The following STAG2 variants were observed in gnomAD, a reference collection of about 807,000 sequenced individuals.
The protein encoded by STAG2 is cohesin subunit SA-2.
STAG2 carries 14 observed loss-of-function variants against 108.1 expected under a neutral mutation model. The ratio of observed to expected loss-of-function variants is 0.13; its 90% confidence interval spans 0.09 to 0.20. STAG2 has a LOEUF of 0.20. Among genes scored for constraint, STAG2 ranks in the 10% least tolerant of loss-of-function variants. The pLI is 1.00. For synonymous variants in STAG2, 307 were observed against 302.7 expected (o/e 1.01, Z -0.15); for missense variants, 440 against 940.9 (o/e 0.47, Z 6.96).
chrX:124,013,612 T>C (rs1326430741), intron 1 of STAG2, among the ~76,000 whole-genome samples: 1 of 111,785 alleles, frequency 8.9e-6, no homozygotes, highest in African/African-American at 3.3e-5. Context: ...ATAGCAGATA[T>C]GTATCCAATA....
intron 1 of STAG2, among the ~76,000 whole-genome samples, chrX:123,975,578 C>T (rs1174991622): frequency 8.9e-6 from 1 of 111,863 alleles, no homozygotes; most frequent in Non-Finnish European, 1.9e-5. Flanking sequence ...ATTCTCCTGC[C>T]TCAGCCTCCT....
At chrX:124,044,555 T>C (rs1282774938) in intron 7 of STAG2, among the ~76,000 whole-genome samples, 1 of 111,667 alleles carries the variant, frequency 9.0e-6, no homozygotes. Context: ...ACTTCATTGT[T>C]TTTAATGATT....
At chrX:123,972,887 A>AAAAAAAAAAC in intron 1 of STAG2, among the ~76,000 whole-genome samples, 1 of 99,193 alleles carries the variant, frequency 1.0e-5, no homozygotes, top group Non-Finnish European at 2.0e-5. Flanking sequence ...AAAAAAAAAA[A>AAAAAAAAAAC]AAAAGAACCG....
At chrX:124,055,996 G>GTTT (rs33915304) in intron 13 of STAG2, 132 bp from the exon 14 acceptor site, 398 of 244,623 alleles carry the variant, frequency 1.6e-3, no homozygotes, top group African/African-American at 6.1e-3. Context: ...GCTTGATTTG[G>GTTT]TTTTTTTTTT....
In STAG2 at chrX:124,068,569, C is replaced by T. The variant is rs769331923; in HGVS notation, c.2271C>T (p.Asp757=). ...KITESSSTKE[D]LLRLKKQMRV... The stretch of plus-strand genomic sequence containing the variant: ...TAATGTTAAATTTTTTCAAGGAGGA[C>T]TTGCTGCGTTTAAAGAAACAAATGA... Residue 757 remains aspartate, a synonymous_variant, in exon 24 of 35, where the codon GAC becomes GAT. Transcript: ENST00000371145. 4 of 1,179,846 alleles carry T rather than the reference C, an allele frequency of 3.4e-6. No individual in the cohort carries two copies. Among genetic ancestry groups the T allele is most frequent in the Non-Finnish European group, 3.4e-6 (3 of 883,186 alleles).
intron 1 of STAG2, among the ~76,000 whole-genome samples, chrX:123,980,975 G>T (rs758639709): frequency 2.3e-3 from 255 of 110,940 alleles, no homozygotes; most frequent in Non-Finnish European, 3.5e-3. Context: ...TAAGTTTTGT[G>T]TAAAAGCTAA....
chrX:124,086,776 G>A lies in STAG2; in HGVS notation c.3277+6G>A, dbSNP rs777939615. 1 of 1,145,899 alleles carries A rather than the reference G, an allele frequency of 8.7e-7. No homozygotes were observed. The highest frequency in any genetic ancestry group is 3.0e-5 in the East Asian group (1 of 33,261). 94.4% of individuals were successfully genotyped at this position (1,145,899 alleles called of 1,213,427 possible). A position where few individuals can be genotyped will look rare whatever the true frequency, so the allele number is the denominator to read the frequency against. Reference sequence around the variant, plus strand: ...GGGCATGCAGCTTTCACTCAGTAAGGATATAATTTATTCTCTTTATATTTA... The same window carrying A: ...GGGCATGCAGCTTTCACTCAGTAAGAATATAATTTATTCTCTTTATATTTA... On this transcript the variant is annotated splice_donor_region_variant and intron_variant, in intron 30 of 34. Transcript: ENST00000371145.
chrX:124,034,430 A>G (rs929071002), intron 5 of STAG2, among the ~76,000 whole-genome samples: 2 of 111,902 alleles, frequency 1.8e-5, no homozygotes, highest in Admixed American at 9.5e-5. Context: ...TTATTTTGTT[A>G]TGTGTGTTCC....
chrX:123,965,145 CTGTT>C (rs1384643816), intron 1 of STAG2, among the ~76,000 whole-genome samples: 1 of 111,489 alleles, frequency 9.0e-6, no homozygotes, highest in Non-Finnish European at 1.9e-5. Context: ...TACCATTAGT[CTGTT>C]TGTGTATTTC....
chrX:123,994,983 C>T (rs1344332432), intron 1 of STAG2, among the ~76,000 whole-genome samples: 6 of 111,631 alleles, frequency 5.4e-5, no homozygotes, highest in Non-Finnish European at 1.1e-4. Flanking sequence ...TTTTCCCTCT[C>T]GTATAATACA....
chrX:124,035,602 C>G (rs749449440), intron 5 of STAG2, among the ~76,000 whole-genome samples: 1 of 112,102 alleles, frequency 8.9e-6, no homozygotes, highest in East Asian at 2.8e-4. Flanking sequence ...TGTCAAGGGC[C>G]TTAGCTTGGA....
chrX:124,007,105 ATCTC>A (rs763980138), intron 1 of STAG2, among the ~76,000 whole-genome samples: 5 of 102,720 alleles, frequency 4.9e-5, no homozygotes, highest in East Asian at 3.1e-4. Flanking sequence ...GGCTCAAGCG[ATCTC>A]TCTCTCTCTC....
chrX:124,083,693 A>G (rs2059022265), intron 29 of STAG2, 144 bp downstream of exon 29: 1 of 377,940 alleles, frequency 2.6e-6, no homozygotes, highest in Admixed American at 5.2e-5. Flanking sequence ...CAGCAACTTT[A>G]TAATTTAAGG....
intron 2 of STAG2, among the ~76,000 whole-genome samples, chrX:124,022,216 C>A (rs2056952049): frequency 9.1e-6 from 1 of 109,882 alleles, no homozygotes; most frequent in Non-Finnish European, 1.9e-5. Context: ...ACTAAAAATA[C>A]AAAAATTAGC....
At chrX:124,056,402 C>T (rs1351306591) in intron 14 of STAG2, among the ~76,000 whole-genome samples, 167 bp downstream of exon 14, 1 of 110,916 alleles carries the variant, frequency 9.0e-6, no homozygotes, top group Admixed American at 9.6e-5. Flanking sequence ...GTTTAGATTT[C>T]TCCTAAGTTC....
upstream of STAG2, chrX:123,960,652 A>AAAAAAAAAAAAC (rs1569483388): frequency 9.8e-6 from 1 of 102,449 alleles, no homozygotes; most frequent in African/African-American, 3.6e-5. Context: ...AAGAAAAAAA[A>AAAAAAAAAAAAC]CCCCGCCGGA....
intron 34 of STAG2, chrX:124,097,803 C>T: frequency 2.0e-5 from 5 of 246,394 alleles, no homozygotes; most frequent in South Asian, 2.0e-4. Flanking sequence ...GATGCCAGTT[C>T]CTTTTGATTT....
intron 6 of STAG2, among the ~76,000 whole-genome samples, chrX:124,041,425 G>A (rs1425900764): frequency 2.7e-5 from 3 of 109,252 alleles, no homozygotes; most frequent in Admixed American, 9.9e-5. Flanking sequence ...ATACACAGGC[G>A]CGCGCACACA....
chrX:123,995,521 C>T (rs370835945), intron 1 of STAG2, among the ~76,000 whole-genome samples: 2 of 110,424 alleles, frequency 1.8e-5, no homozygotes, highest in Admixed American at 9.7e-5. Flanking sequence ...GGTGAAACCC[C>T]GCCTCTACTA....
Sources: gnomAD v4.1 joint callset for allele counts (sites outside exome capture counted in the v4.1 genomes callset) on GRCh38, gnomAD v4.1.1 for gene constraint, MANE v1.5 for transcripts, NCBI Gene and HGNC (gene_info 2026-07-23, HGNC 2026-07-21) for gene names.